COL25A1: variants seen among roughly 807,000 people sequenced by gnomAD.
The protein encoded by COL25A1 is collagen alpha-1(XXV) chain.
A neutral mutation model predicts 128.4 loss-of-function variants in COL25A1; 103 were observed. That is an observed-to-expected ratio of 0.80 (90% CI 0.68 to 0.94). The LOEUF is 0.94. Ranked by LOEUF, COL25A1 falls within the 40% of genes least tolerant of loss-of-function variation. The pLI is 0.00. For missense variants in COL25A1, 745 were observed against 840.0 expected (o/e 0.89, Z 1.40); for synonymous variants, 279 against 277.2 (o/e 1.01, Z -0.06).
At chr4:109,220,190 T>C (rs1246682039) in intron 3 of COL25A1, among the ~76,000 whole-genome samples, 1 of 152,184 alleles carries the variant, frequency 6.6e-6, no homozygotes, top group Non-Finnish European at 1.5e-5. Flanking sequence ...CTGGAAGACA[T>C]TTAGTATGAT....
chr4:109,010,246 T>G, intron 6 of COL25A1, 112 bp downstream of exon 6: 1 of 844,020 alleles, frequency 1.2e-6, no homozygotes, highest in Non-Finnish European at 1.9e-6. Context: ...CTGTGTGGTG[T>G]TGTGATTATC....
intron 19 of COL25A1, among the ~76,000 whole-genome samples, chr4:108,874,075 C>G (rs939580086): frequency 6.6e-6 from 1 of 152,128 alleles, no homozygotes; most frequent in Non-Finnish European, 1.5e-5. Context: ...ATACTATAGT[C>G]CCAATTAGTC....
At chr4:109,275,853 C>CA (rs553970843) in intron 3 of COL25A1, among the ~76,000 whole-genome samples, 1 of 152,108 alleles carries the variant, frequency 6.6e-6, no homozygotes, top group Non-Finnish European at 1.5e-5. Context: ...ACCCTGATGC[C>CA]AAAATGGCAA....
chr4:109,189,959 A>G (rs1488300991), intron 3 of COL25A1, among the ~76,000 whole-genome samples: 2 of 152,152 alleles, frequency 1.3e-5, no homozygotes, highest in African/African-American at 4.8e-5. Context: ...ATGTTTCCAA[A>G]TATTAATTTA....
intron 3 of COL25A1, among the ~76,000 whole-genome samples, chr4:109,217,200 C>T (rs1778063158): frequency 6.6e-6 from 1 of 151,982 alleles, no homozygotes; most frequent in Non-Finnish European, 1.5e-5. Context: ...TGCCAAAATG[C>T]AACTTTTCAG....
At chr4:109,248,115 A>G (rs540191379) in intron 3 of COL25A1, among the ~76,000 whole-genome samples, 1 of 152,150 alleles carries the variant, frequency 6.6e-6, no homozygotes, top group African/African-American at 2.4e-5. Context: ...ATTGCTATAT[A>G]ATGTAAATAT....
chr4:109,044,472 T>A lies in COL25A1; in HGVS notation c.420+3696A>T, dbSNP rs536985978. ...CCATCTAATTTTTTATTAGTTAGTT[T>A]GTTTGTTTTACTGAGTGTCCAAATG... On this transcript the variant is annotated intron_variant, in intron 5 of 37. Coordinates refer to ENST00000399132, the MANE Select transcript of COL25A1 (RefSeq NM_198721.4). Among the ~76,000 whole-genome samples the A allele has an allele frequency of 2.6e-5, 4 of 152,006 alleles. No homozygotes were observed. The East Asian group carries it at 7.7e-4, about 29-fold the overall frequency.
intron 3 of COL25A1, among the ~76,000 whole-genome samples, chr4:109,069,787 T>C (rs553303000): frequency 3.9e-5 from 6 of 152,236 alleles, no homozygotes; most frequent in African/African-American, 1.4e-4. Flanking sequence ...AGAACTGGAA[T>C]TGTCCAGGAA....
chr4:108,841,593 T>C, intron 31 of COL25A1, 102 bp downstream of exon 31: 1 of 943,550 alleles, frequency 1.1e-6, no homozygotes, highest in Non-Finnish European at 1.7e-6. Flanking sequence ...TTATCAACAT[T>C]ACTTGACAAA....
intron 3 of COL25A1, among the ~76,000 whole-genome samples, chr4:109,281,182 A>C (rs952746093): frequency 1.3e-5 from 2 of 152,316 alleles, no homozygotes; most frequent in African/African-American, 4.8e-5. Flanking sequence ...AGCAATATAT[A>C]TATTAGTTAC....
At chr4:109,209,050 A>G (rs1274692317) in intron 3 of COL25A1, among the ~76,000 whole-genome samples, 1 of 152,210 alleles carries the variant, frequency 6.6e-6, no homozygotes, top group African/African-American at 2.4e-5. Context: ...AAAGAATGTT[A>G]TGTAGGGGCA....
chr4:108,964,002 C>T (rs1413742934), intron 8 of COL25A1, among the ~76,000 whole-genome samples: 1 of 149,642 alleles, frequency 6.7e-6, no homozygotes, highest in Admixed American at 6.7e-5. Flanking sequence ...TCTCTTTACT[C>T]CATAAAATGG....
intron 3 of COL25A1, among the ~76,000 whole-genome samples, chr4:109,105,708 G>A (rs1221441522): frequency 6.6e-6 from 1 of 152,164 alleles, no homozygotes; most frequent in East Asian, 1.9e-4. Context: ...TTTAAAGAGT[G>A]TAAAATGACC....
intron 25 of COL25A1, 124 bp from the exon 26 acceptor site, chr4:108,852,404 T>C (rs1244652710): frequency 4.1e-6 from 3 of 724,122 alleles, no homozygotes; most frequent in South Asian, 2.1e-5. Context: ...AAATATAAAT[T>C]TGCAATGAGG....
At chr4:109,232,578 T>C (rs1389648989) in intron 3 of COL25A1, among the ~76,000 whole-genome samples, 2 of 152,210 alleles carry the variant, frequency 1.3e-5, no homozygotes, top group East Asian at 1.9e-4. Context: ...AATTTCCTAA[T>C]GTAAGCTGCA....
rs551623847 is a variant in COL25A1 at position 109,072,860 on chromosome 4, C to T, written c.368-22681G>A. ...TCAGTTGCATAACTCTACAGGGGGC[C>T]CACATAAAACTTTATACTGCTCCGC... On this transcript the variant is annotated intron_variant, in intron 3 of 37. Transcript: ENST00000399132. Among the ~76,000 whole-genome samples the T allele has an allele frequency of 3.7e-3, 556 of 152,244 alleles. 2 individuals are homozygous for T. The highest frequency in any genetic ancestry group is 6.1e-3 in the Non-Finnish European group (418 of 68,016).
At chr4:108,958,532 T>TA (rs1051011738) in intron 8 of COL25A1, among the ~76,000 whole-genome samples, 49 of 151,866 alleles carry the variant, frequency 3.2e-4, no homozygotes, top group African/African-American at 9.4e-4. Flanking sequence ...AACATTTTTT[T>TA]AAAAAAAACC....
intron 3 of COL25A1, among the ~76,000 whole-genome samples, chr4:109,161,066 G>T (rs1396765862): frequency 4.6e-5 from 7 of 151,962 alleles, no homozygotes; most frequent in Admixed American, 3.9e-4. Context: ...TCAAACTCCT[G>T]GCCTCAAGCG....
intron 20 of COL25A1, among the ~76,000 whole-genome samples, chr4:108,865,397 C>T (rs1737770484): frequency 6.6e-6 from 1 of 152,074 alleles, no homozygotes; most frequent in Non-Finnish European, 1.5e-5. Context: ...TTAAGAAAGA[C>T]AGGAGGCAAG....
Sources: gnomAD v4.1 joint callset for allele counts (sites outside exome capture counted in the v4.1 genomes callset) on GRCh38, gnomAD v4.1.1 for gene constraint, MANE v1.5 for transcripts, NCBI Gene and HGNC (gene_info 2026-07-23, HGNC 2026-07-21) for gene names.